Variants in ROBO1 observed in about 807,000 individuals in gnomAD.
The protein encoded by ROBO1 is roundabout guidance receptor 1, also known as roundabout homolog 1.
A neutral mutation model predicts 195.9 loss-of-function variants in ROBO1; 149 were observed. The ratio of observed to expected loss-of-function variants is 0.76; its 90% CI spans 0.67 to 0.87. ROBO1 has a LOEUF of 0.87. Among genes scored for constraint, ROBO1 ranks in the 40% least tolerant of loss-of-function variants. ROBO1 has a pLI of 0.00. For missense variants in ROBO1, 1,933 were observed against 2,068.3 expected (o/e 0.93, Z 1.27); for synonymous variants, 816 against 733.2 (o/e 1.11, Z -1.82).
chr3:78,706,893 T>C (rs866614771), intron 8 of ROBO1, among the ~76,000 whole-genome samples: 2 of 152,150 alleles, frequency 1.3e-5, no homozygotes, highest in Non-Finnish European at 2.9e-5. Context: ...AGTAAAGCTG[T>C]CGACTGGCTG....
intron 2 of ROBO1, among the ~76,000 whole-genome samples, chr3:79,552,219 A>G (rs1942549077): frequency 6.6e-6 from 1 of 151,988 alleles, no homozygotes; most frequent in Non-Finnish European, 1.5e-5. Flanking sequence ...ATACGCTTGG[A>G]CAACAACACA....
chr3:79,587,317 A>G (rs572071070), intron 2 of ROBO1, among the ~76,000 whole-genome samples: 1 of 151,942 alleles, frequency 6.6e-6, no homozygotes, highest in South Asian at 2.1e-4. Flanking sequence ...ACCTAGCCAC[A>G]GCTTGAAGTG....
chr3:79,747,068 C>A (rs898126729), intron 1 of ROBO1, among the ~76,000 whole-genome samples: 1 of 151,912 alleles, frequency 6.6e-6, no homozygotes, highest in East Asian at 1.9e-4. Context: ...TCATCCAGGT[C>A]TAAGTAGGGA....
chr3:79,248,123 A>G (rs1025249067), intron 2 of ROBO1, among the ~76,000 whole-genome samples: 1 of 152,128 alleles, frequency 6.6e-6, no homozygotes, highest in African/African-American at 2.4e-5. Context: ...GATTTGGGGG[A>G]AAAATGATAT....
intron 4 of ROBO1, among the ~76,000 whole-genome samples, chr3:78,936,669 G>C (rs1198682488): frequency 6.6e-6 from 1 of 151,948 alleles, no homozygotes; most frequent in East Asian, 1.9e-4. Context: ...GTATATGGGG[G>C]AGGGTGTGCA....
intron 2 of ROBO1, among the ~76,000 whole-genome samples, chr3:79,486,261 C>T (rs1939155186): frequency 6.6e-6 from 1 of 151,548 alleles, no homozygotes; most frequent in Admixed American, 6.6e-5. Context: ...AGTATATCCT[C>T]TTATATAAAA....
Position 78,600,167 on chromosome 3 carries a change from T to C in ROBO1, c.4887A>G (p.Glu1629=). ...TTTCATATCCTCCAAGTACCTGCAT[T>C]TCTGCAATATTTCTTCGACCTACAT... is the stretch of plus-strand genomic sequence containing the variant. The part of the protein sequence containing the change: ...QANVGRRNIA[E]MQVLGGYERG... The change falls in exon 30 of 31, where the codon GAA becomes GAG. Residue 1629 remains glutamate, a synonymous_variant. Coordinates refer to ENST00000464233, the MANE Select transcript of ROBO1 (RefSeq NM_002941.4). 5 of 1,613,556 alleles carry C rather than the reference T, an allele frequency of 3.1e-6. No homozygotes were observed. Among genetic ancestry groups the C allele is most frequent in the Non-Finnish European group, 4.2e-6 (5 of 1,179,618 alleles).
At chr3:78,925,756 G>C (rs2039176573) in intron 4 of ROBO1, among the ~76,000 whole-genome samples, 1 of 152,146 alleles carries the variant, frequency 6.6e-6, no homozygotes, top group South Asian at 2.1e-4. Flanking sequence ...TATGATAAAG[G>C]GATAGAGGGT....
chr3:78,624,247 T>C (rs768812314), intron 26 of ROBO1, among the ~76,000 whole-genome samples: 7 of 152,318 alleles, frequency 4.6e-5, no homozygotes, highest in Admixed American at 3.9e-4. Context: ...TTTGATTACA[T>C]AGATCACTGG....
At chr3:78,922,477 T>C (rs1172337023) in intron 4 of ROBO1, among the ~76,000 whole-genome samples, 1 of 152,100 alleles carries the variant, frequency 6.6e-6, no homozygotes. Flanking sequence ...ATAGGCAAGG[T>C]AGTCAGAGCT....
At chr3:78,690,817 C>T (rs770659672) in intron 8 of ROBO1, among the ~76,000 whole-genome samples, 50 of 152,052 alleles carry the variant, frequency 3.3e-4, no homozygotes, top group Non-Finnish European at 6.2e-4. Context: ...TAAAAAACTT[C>T]GGGTGGTCTC....
At chr3:78,720,704 T>A (rs1409060142) in intron 5 of ROBO1, among the ~76,000 whole-genome samples, 10 of 152,150 alleles carry the variant, frequency 6.6e-5, no homozygotes, top group African/African-American at 9.7e-5. Context: ...CAAATGTCCA[T>A]CAATGATAGA....
At chr3:78,739,991 C>T (rs2108244897) in intron 5 of ROBO1, among the ~76,000 whole-genome samples, 1 of 152,228 alleles carries the variant, frequency 6.6e-6, no homozygotes, top group East Asian at 1.9e-4. Context: ...CCCTTGGTTG[C>T]CCTCTCTTCC....
chr3:78,960,799 C>A (rs1045181811), intron 3 of ROBO1, among the ~76,000 whole-genome samples: 106 of 146,702 alleles, frequency 7.2e-4, no homozygotes, highest in African/African-American at 1.6e-3. Context: ...CACACACACA[C>A]ACACACACAC....
At position 79,493,361 on chromosome 3, in the gene ROBO1, T is replaced by C. The variant is rs144297080; in HGVS notation, c.88+96463A>G. On this transcript the variant is annotated intron_variant, in intron 2 of 30. Transcript: ENST00000464233. ...ATGTGATGAATTTCTATGGTGGATGTATCCATAACAGAAAAACTGATAGGT... is the reference window on the plus strand; with the variant it reads ...ATGTGATGAATTTCTATGGTGGATGCATCCATAACAGAAAAACTGATAGGT... Among the ~76,000 whole-genome samples the C allele has an allele frequency of 8.8e-3, 1,339 of 152,064 alleles. 20 individuals are homozygous for C. The highest frequency in any genetic ancestry group is 0.031 in the African/African-American group (1,271 of 41,548).
chr3:78,910,893 T>C (rs950519180), intron 4 of ROBO1, among the ~76,000 whole-genome samples: 1 of 152,024 alleles, frequency 6.6e-6, no homozygotes, highest in African/African-American at 2.4e-5. Context: ...CTTGGGAACT[T>C]GTTAGAAATA....
At chr3:78,681,877 C>G (rs563085898) in intron 10 of ROBO1, among the ~76,000 whole-genome samples, 7 of 152,050 alleles carry the variant, frequency 4.6e-5, no homozygotes, top group East Asian at 3.9e-4. Flanking sequence ...ACTCCAGCCT[C>G]GGCGACTCAG....
intron 2 of ROBO1, among the ~76,000 whole-genome samples, chr3:79,377,532 C>G (rs1316771615): frequency 6.6e-6 from 1 of 152,122 alleles, no homozygotes; most frequent in Non-Finnish European, 1.5e-5. Context: ...AGAATTGCAC[C>G]TCCTTTATTG....
intron 2 of ROBO1, among the ~76,000 whole-genome samples, chr3:79,507,343 A>C (rs564175284): frequency 6.6e-6 from 1 of 152,318 alleles, no homozygotes; most frequent in African/African-American, 2.4e-5. Context: ...CGGGACCATT[A>C]GAAATAAATG....
Sources: allele counts gnomAD v4.1 joint callset (sites outside exome capture counted in the v4.1 genomes callset), GRCh38; gene constraint gnomAD v4.1.1; transcripts MANE v1.5; gene names NCBI Gene and HGNC (gene_info 2026-07-23, HGNC 2026-07-21).